PRKDC: variants seen among roughly 807,000 people sequenced by gnomAD.
PRKDC encodes the protein DNA-dependent protein kinase catalytic subunit.
PRKDC carries 82 observed loss-of-function variants against 486.9 expected under a neutral mutation model. That is an observed-to-expected ratio of 0.17 (90% CI 0.14 to 0.20). The LOEUF (loss-of-function observed/expected upper bound fraction) is 0.20, where lower values mean the gene tolerates loss of function less well. PRKDC is among the 10% of genes least tolerant of loss of function. The pLI is 1.00. For missense variants in PRKDC, 4,504 were observed against 5,038.2 expected (o/e 0.89, Z 3.21); for synonymous variants, 1,895 against 1,837.0 (o/e 1.03, Z -0.81).
intron 50 of PRKDC, 81 bp downstream of exon 50, chr8:47,855,141 A>G (rs1164952409): frequency 1.6e-6 from 2 of 1,289,060 alleles, no homozygotes; most frequent in African/African-American, 3.0e-5. Context: ...ATGTAATTAA[A>G]TTTCACTGTA....
intron 10 of PRKDC, 47 bp downstream of exon 10, chr8:47,943,162 C>A: frequency 6.3e-7 from 1 of 1,580,878 alleles, no homozygotes; most frequent in Non-Finnish European, 8.6e-7. Flanking sequence ...GAATTTAATT[C>A]TGTGTGTGAA....
intron 76 of PRKDC, 39 bp downstream of exon 76, chr8:47,788,867 G>A (rs753505879): frequency 3.8e-5 from 56 of 1,486,726 alleles, no homozygotes; most frequent in Admixed American, 9.6e-5. Context: ...CTGTCACAAC[G>A]ACTCTGCTAT....
chr8:47,911,862 T>A (rs2089910326), intron 25 of PRKDC, among the ~76,000 whole-genome samples: 1 of 152,002 alleles, frequency 6.6e-6, no homozygotes, highest in African/African-American at 2.4e-5. Flanking sequence ...CTCCACCTCC[T>A]GGGTTCAAGT....
At chr8:47,950,685 A>C (rs2090613710) in intron 7 of PRKDC, among the ~76,000 whole-genome samples, 1 of 152,174 alleles carries the variant, frequency 6.6e-6, no homozygotes, top group African/African-American at 2.4e-5. Flanking sequence ...CTTTCAAAAA[A>C]AGAAAAGAAT....
intron 29 of PRKDC, among the ~76,000 whole-genome samples, chr8:47,898,208 G>A (rs909313471): frequency 3.9e-5 from 6 of 152,052 alleles, no homozygotes; most frequent in Non-Finnish European, 2.9e-5. Flanking sequence ...TAAATAAAAC[G>A]TCTGTTACAA....
At chr8:47,863,600 T>C in intron 41 of PRKDC, 23 bp from the exon 42 acceptor site, 1 of 1,563,974 alleles carries the variant, frequency 6.4e-7, no homozygotes, top group Non-Finnish European at 8.8e-7. Context: ...AAAAAATAAT[T>C]ATCTTTGGTC....
chr8:47,905,127 T>C (rs2089754563), intron 25 of PRKDC, among the ~76,000 whole-genome samples, 151 bp from the exon 26 acceptor site: 1 of 152,168 alleles, frequency 6.6e-6, no homozygotes, highest in African/African-American at 2.4e-5. Flanking sequence ...CAGGCTCAAG[T>C]GGTCCCCTCC....
At chr8:47,812,228 A>G (rs1283084437) in intron 68 of PRKDC, among the ~76,000 whole-genome samples, 1 of 152,218 alleles carries the variant, frequency 6.6e-6, no homozygotes, top group Non-Finnish European at 1.5e-5. Context: ...ATGGAACTAC[A>G]CAAACAAGCA....
rs185781948 is a variant in PRKDC, at chr8:47,956,598, G to A, written c.324+573C>T. 1.4e-3 allele frequency among the ~76,000 whole-genome samples: 213 copies of A among 151,538 alleles called. 1 individual carries two copies. The highest frequency in any genetic ancestry group is 3.1e-3 in the South Asian group (15 of 4,788). On this transcript the variant is annotated intron_variant, in intron 3 of 85. Coordinates refer to ENST00000314191, the MANE Select transcript of PRKDC (RefSeq NM_006904.7). The stretch of plus-strand genomic sequence containing the variant: ...ACATCCTGTGGTCCCAGCAACTTGG[G>A]AGGCTGAGGTGTGAGAATCACCTGA...
chr8:47,954,503 A>T, intron 4 of PRKDC, 57 bp from the exon 5 acceptor site: 2 of 645,064 alleles, frequency 3.1e-6, no homozygotes, highest in Non-Finnish European at 4.9e-6. Context: ...AAAAAAACAC[A>T]ATACAAATTA....
In PRKDC at chr8:47,826,988, C is replaced by T; in HGVS notation, c.8578-127G>A. The T allele has an allele frequency of 3.5e-6, 3 of 848,288 alleles. No homozygotes were observed. The African/African-American group carries it at 5.1e-5, about 14-fold the overall frequency. The allele number at this position is 848,288 out of a possible 1,614,324, so 52.5% of individuals were successfully genotyped here. ...GGTAGTGATATCACCAGAAGTTTCTCTGTGTAATGCTATTAACACATTTTC... is the reference window on the plus strand; with the variant it reads ...GGTAGTGATATCACCAGAAGTTTCTTTGTGTAATGCTATTAACACATTTTC... On this transcript the variant is annotated intron_variant, in intron 62 of 85. Transcript: ENST00000314191.
chr8:47,870,149 C>G (rs2088916992), intron 40 of PRKDC, among the ~76,000 whole-genome samples: 1 of 152,104 alleles, frequency 6.6e-6, no homozygotes, highest in East Asian at 1.9e-4. Flanking sequence ...GCTAGATTTG[C>G]CTCCTGCTGA....
At position 47,860,871 on chromosome 8, in the gene PRKDC, C is replaced by T. The variant is rs8178131; in HGVS notation, c.6058+28G>A. On this transcript the variant is annotated intron_variant, in intron 45 of 85. Transcript: ENST00000314191. ...ACAAAATAACCCATCGATTTGAATC[C>T]TTTCTCATGATTTTGAAAACATCCT... is the stretch of plus-strand genomic sequence containing the variant. 9,403 of 1,556,998 alleles carry T rather than the reference C, an allele frequency of 6.0e-3. 80 individuals carry two copies. The highest frequency in any genetic ancestry group is 0.037 in the Middle Eastern group (219 of 5,956).
chr8:47,906,943 A>C (rs2089794224), intron 25 of PRKDC, among the ~76,000 whole-genome samples: 2 of 151,650 alleles, frequency 1.3e-5, no homozygotes, highest in East Asian at 1.9e-4. Context: ...TCTATGAAGC[A>C]ATTTTTAAAA....
At position 47,774,058 on chromosome 8, in the gene PRKDC, A is replaced by T; in HGVS notation, c.*115T>A. 1 of 1,087,648 alleles carries T rather than the reference A, an allele frequency of 9.2e-7. No homozygotes were observed. The highest frequency in any genetic ancestry group is 1.3e-6 in the Non-Finnish European group (1 of 778,148). The allele number at this position is 1,087,648 out of a possible 1,614,324, so 67.4% of individuals were successfully genotyped here. ...AACTCATGCTACGAAACTGTAGCAC[A>T]AAAGACATTTCTCTTTAGTGTTTCA... On this transcript the variant is annotated 3_prime_UTR_variant, in exon 86 of 86. Coordinates refer to ENST00000314191, the MANE Select transcript of PRKDC (RefSeq NM_006904.7).
intron 3 of PRKDC, among the ~76,000 whole-genome samples, 194 bp downstream of exon 3, chr8:47,956,977 C>CAAAAAAAAAAAAAAAAAAAAAA (rs2090713226): frequency 8.7e-5 from 1 of 11,450 alleles, no homozygotes. Context: ...AACTCCTTCT[C>CAAAAAAAAAAAAAAAAAAAAAA]CAAAAAAAAA....
Position 47,905,729 on chromosome 8 carries a change from G to A in PRKDC, c.2935-753C>T, listed in dbSNP as rs1177564469. The stretch of plus-strand genomic sequence containing the variant: ...CTGCCTCTCCCACTGCTGCCAAAAG[G>A]AGGGAGGAAAACCTCTATGGAGATA... On this transcript the variant is annotated intron_variant, in intron 25 of 85. Transcript: ENST00000314191. Among the ~76,000 whole-genome samples, 3 of 152,292 alleles carry A rather than the reference G, an allele frequency of 2.0e-5. No homozygotes were observed. The South Asian group carries it at 6.2e-4, about 32-fold the overall frequency.
intron 73 of PRKDC, 69 bp from the exon 74 acceptor site, chr8:47,794,570 T>C (rs2086943686): frequency 3.8e-6 from 5 of 1,304,866 alleles, no homozygotes; most frequent in Admixed American, 2.6e-5. Context: ...AAGTAACATA[T>C]GTCCAAAATA....
At chr8:47,792,567 T>C (rs911065755) in intron 74 of PRKDC, among the ~76,000 whole-genome samples, 1 of 152,078 alleles carries the variant, frequency 6.6e-6, no homozygotes, top group African/African-American at 2.4e-5. Flanking sequence ...CTGACTACAG[T>C]AAATTTTTAT....
Sources: allele counts gnomAD v4.1 joint callset (sites outside exome capture counted in the v4.1 genomes callset), GRCh38; gene constraint gnomAD v4.1.1; transcripts MANE v1.5; gene names NCBI Gene and HGNC (gene_info 2026-07-23, HGNC 2026-07-21).